SLC25A4: variants seen among roughly 807,000 people sequenced by gnomAD.
SLC25A4 encodes solute carrier family 25 member 4, also known as ADP/ATP translocase 1.
A neutral mutation model predicts 24.7 loss-of-function variants in SLC25A4; 10 were observed. That is an observed-to-expected ratio of 0.41 (90% CI 0.25 to 0.69). The LOEUF is 0.69. Among genes scored for constraint, SLC25A4 ranks in the 30% least tolerant of loss-of-function variants. The pLI, the probability that SLC25A4 is intolerant of heterozygous loss-of-function variation, is 0.35. For missense variants in SLC25A4, 273 were observed against 387.6 expected, an observed-to-expected ratio of 0.70 and a Z score of 2.48; for synonymous variants, 125 against 153.3, an observed-to-expected ratio of 0.82 and a Z score of 1.36.
At position 185,144,922 on chromosome 4, in the gene SLC25A4, C is replaced by T. The variant is rs1426054143; in HGVS notation, c.270C>T (p.Ala90=). The T allele has an allele frequency of 6.2e-7, 1 of 1,614,210 alleles. No homozygotes were observed. ...TCCCCACCCAAGCTCTCAACTTCGCCTTCAAGGACAAGTACAAGCAGCTCT... is the reference window on the plus strand; with the variant it reads ...TCCCCACCCAAGCTCTCAACTTCGCTTTCAAGGACAAGTACAAGCAGCTCT... ...RYFPTQALNF[A]FKDKYKQLFL... Residue 90 remains alanine, a synonymous_variant, in exon 2 of 4, where the codon GCC becomes GCT. Coordinates refer to ENST00000281456, the MANE Select transcript of SLC25A4 (RefSeq NM_001151.4).
rs1734410648 is a variant in SLC25A4 at position 185,144,932 on chromosome 4, A to C, written c.280A>C (p.Lys94Gln). ...AGCTCTCAACTTCGCCTTCAAGGAC[A>C]AGTACAAGCAGCTCTTCTTAGGGGG... is the stretch of plus-strand genomic sequence containing the variant. ...TQALNFAFKD[K>Q]YKQLFLGGVD... Residue 94 changes from lysine (K) to glutamine (Q), a missense_variant, in exon 2 of 4, where the codon AAG becomes CAG. Coordinates refer to ENST00000281456, the MANE Select transcript of SLC25A4 (RefSeq NM_001151.4). 1 of 1,614,070 alleles carries C rather than the reference A, an allele frequency of 6.2e-7. No homozygotes were observed. Among genetic ancestry groups the C allele is most frequent in the Admixed American group, 1.7e-5 (1 of 60,006 alleles).
intron 1 of SLC25A4, among the ~76,000 whole-genome samples, 189 bp downstream of exon 1, chr4:185,143,672 G>C (rs1734387478): frequency 6.8e-6 from 1 of 147,144 alleles, no homozygotes; most frequent in Non-Finnish European, 1.5e-5. Flanking sequence ...CAGGTCCAGC[G>C]TCAGTCGCAG....
rs556737965 is a variant in SLC25A4, at chr4:185,149,675, T to C, written c.*2704T>C. ...TTACGTAAAAGTGACAAGTTGGAAT[T>C]GAGCGTCCGACTCTCGGGTACCTGC... On this transcript the variant is annotated 3_prime_UTR_variant, in exon 4 of 4. Coordinates refer to ENST00000281456, the MANE Select transcript of SLC25A4 (RefSeq NM_001151.4). The C allele has an allele frequency of 6.6e-6, 1 of 152,340 alleles. No individual in the cohort carries two copies. Among genetic ancestry groups the C allele is most frequent in the East Asian group, 1.9e-4 (1 of 5,184 alleles). The allele number at this position is 152,340 out of a possible 1,614,324, so 9.4% of individuals were successfully genotyped here.
intron 1 of SLC25A4, among the ~76,000 whole-genome samples, chr4:185,144,312 G>A (rs1734398296): frequency 6.6e-6 from 1 of 152,146 alleles, no homozygotes; most frequent in Non-Finnish European, 1.5e-5. Context: ...ATCTAGTAGA[G>A]ATCCTCATCT....
chr4:185,145,610 C>T lies in SLC25A4; in HGVS notation c.599-149C>T. ...GGGCAGCAGCCACCTTTGCTGTCTG[C>T]CTGGTCATATGTGAAGCACCTGCAC... On this transcript the variant is annotated intron_variant, in intron 2 of 3. Transcript: ENST00000281456. The surrounding 1 kb of genome is among the most constrained non-coding windows in gnomAD (Gnocchi z 5.5). The T allele has an allele frequency of 1.0e-6, 1 of 955,832 alleles. No individual in the cohort carries two copies. 59.2% of individuals were successfully genotyped at this position (955,832 alleles called of 1,614,324 possible). A position where few individuals can be genotyped will look rare whatever the true frequency, so the allele number is the denominator to read the frequency against.
chr4:185,143,430 G>A lies in SLC25A4; in HGVS notation c.58G>A (p.Ala20Thr), dbSNP rs1455554222. The A allele has an allele frequency of 4.6e-6, 7 of 1,519,848 alleles. No individual in the cohort carries two copies. The highest frequency in any genetic ancestry group is 6.2e-6 in the Non-Finnish European group (7 of 1,131,062). The allele number at this position is 1,519,848 out of a possible 1,614,324, so 94.1% of individuals were successfully genotyped here. A position where few individuals can be genotyped will look rare whatever the true frequency, so the allele number is the denominator to read the frequency against. The change falls in exon 1 of 4, where the codon GCC (alanine) becomes ACC (threonine). Residue 20 changes from alanine to threonine, a missense_variant. By Grantham distance (58) the Ala-to-Thr change is moderately conservative. Coordinates refer to ENST00000281456, the MANE Select transcript of SLC25A4 (RefSeq NM_001151.4). ...CTTCCTGGCCGGGGGCGTCGCCGCTGCCGTCTCCAAGACCGCGGTCGCCCC... is the reference window on the plus strand; with the variant it reads ...CTTCCTGGCCGGGGGCGTCGCCGCTACCGTCTCCAAGACCGCGGTCGCCCC... ...KDFLAGGVAA[A>T]VSKTAVAPIE...
rs772055424 is a variant in SLC25A4, at chr4:185,146,867, G to A, written c.793G>A (p.Glu265Lys). 18 of 1,614,220 alleles carry A rather than the reference G, an allele frequency of 1.1e-5. No homozygotes were observed. Among genetic ancestry groups the A allele is most frequent in the Non-Finnish European group, 1.3e-5 (15 of 1,180,032 alleles). Reference sequence around the variant, plus strand: ...CTGCTGGAGGAAGATTGCAAAAGACGAAGGAGCCAAGGCCTTCTTCAAAGG... The same window carrying A: ...CTGCTGGAGGAAGATTGCAAAAGACAAAGGAGCCAAGGCCTTCTTCAAAGG... The part of the protein sequence containing the change: ...VDCWRKIAKD[E>K]GAKAFFKGAW... Residue 265 changes from glutamate to lysine, a missense_variant, in exon 4 of 4, where the codon GAA becomes AAA. By Grantham distance (56) the Glu-to-Lys change is moderately conservative. Coordinates refer to ENST00000281456, the MANE Select transcript of SLC25A4 (RefSeq NM_001151.4).
At position 185,143,329 on chromosome 4, in the gene SLC25A4, G is replaced by A. The variant is rs1170911868; in HGVS notation, c.-44G>A. ...GGTGCCAGGCCGGGCGTGGGCGAGA[G>A]CACGAACGGGCTGCCTGCGGGCTGA... is the stretch of plus-strand genomic sequence containing the variant. On this transcript the variant is annotated 5_prime_UTR_variant, in exon 1 of 4. Transcript: ENST00000281456. 4.1e-6 allele frequency: 5 copies of A among 1,222,844 alleles called. No individual in the cohort carries two copies. The highest frequency in any genetic ancestry group is 4.0e-5 in the South Asian group (3 of 75,544). The allele number at this position is 1,222,844 out of a possible 1,614,324, so 75.7% of individuals were successfully genotyped here. A position where few individuals can be genotyped will look rare whatever the true frequency, so the allele number is the denominator to read the frequency against.
At position 185,145,623 on chromosome 4, in the gene SLC25A4, G is replaced by A; in HGVS notation, c.599-136G>A. The A allele has an allele frequency of 9.2e-7, 1 of 1,089,258 alleles. No homozygotes were observed. The highest frequency in any genetic ancestry group is 2.2e-5 in the Admixed American group (1 of 46,178). The allele number at this position is 1,089,258 out of a possible 1,614,324, so 67.5% of individuals were successfully genotyped here. ...CTTTGCTGTCTGCCTGGTCATATGT[G>A]AAGCACCTGCACAGGGGCAGGTTCC... On this transcript the variant is annotated intron_variant, in intron 2 of 3. Transcript: ENST00000281456. The surrounding 1 kb of genome is among the most constrained non-coding windows in gnomAD (Gnocchi z 5.5).
At chr4:185,144,545 C>A (rs1010836593) in intron 1 of SLC25A4, among the ~76,000 whole-genome samples, 1 of 152,062 alleles carries the variant, frequency 6.6e-6, no homozygotes, top group African/African-American at 2.4e-5. Context: ...CCCTCAAATA[C>A]CCTAATAATT....
Position 185,143,454 on chromosome 4 carries a change from C to T in SLC25A4, c.82C>T (p.Pro28Ser). Residue 28 changes from proline to serine, a missense_variant, in exon 1 of 4, where the codon CCC (proline) becomes TCC (serine). Pro to Ser is a moderately conservative substitution (Grantham distance 74, BLOSUM62 -1). Coordinates refer to ENST00000281456, the MANE Select transcript of SLC25A4 (RefSeq NM_001151.4). The stretch of plus-strand genomic sequence containing the variant: ...TGCCGTCTCCAAGACCGCGGTCGCC[C>T]CCATCGAGAGGGTCAAACTGCTGCT... ...AAAVSKTAVA[P>S]IERVKLLLQV... 6.7e-7 allele frequency: 1 copy of T among 1,503,042 alleles called. No individual in the cohort carries two copies. The highest frequency in any genetic ancestry group is 8.9e-7 in the Non-Finnish European group (1 of 1,121,884). 93.1% of individuals were successfully genotyped at this position (1,503,042 alleles called of 1,614,324 possible). A position where few individuals can be genotyped will look rare whatever the true frequency, so the allele number is the denominator to read the frequency against.
chr4:185,144,495 A>G (rs1417986648), intron 1 of SLC25A4, among the ~76,000 whole-genome samples: 1 of 152,128 alleles, frequency 6.6e-6, no homozygotes, highest in Non-Finnish European at 1.5e-5. Flanking sequence ...GCTTTATATA[A>G]TTCAATCACC....
In SLC25A4 at chr4:185,144,930, A is replaced by G; in HGVS notation, c.278A>G (p.Asp93Gly). The change falls in exon 2 of 4, where the codon GAC (aspartate) becomes GGC (glycine). Residue 93 changes from aspartate to glycine, a missense_variant. Coordinates refer to ENST00000281456, the MANE Select transcript of SLC25A4 (RefSeq NM_001151.4). ...CAAGCTCTCAACTTCGCCTTCAAGG[A>G]CAAGTACAAGCAGCTCTTCTTAGGG... is the stretch of plus-strand genomic sequence containing the variant. ...PTQALNFAFK[D>G]KYKQLFLGGV... is the part of the protein sequence containing the mutation. The G allele has an allele frequency of 1.2e-6, 2 of 1,614,214 alleles. No individual in the cohort carries two copies. Among genetic ancestry groups the G allele is most frequent in the Non-Finnish European group, 1.7e-6 (2 of 1,180,034 alleles).
Position 185,145,801 on chromosome 4 carries a change from G to C in SLC25A4, c.641G>C (p.Trp214Ser). The change falls in exon 3 of 4, where the codon TGG (tryptophan) becomes TCG (serine). Residue 214 changes from tryptophan (W) to serine (S), a missense_variant. Physicochemically the swap from Trp to Ser is radical, Grantham distance 177. Coordinates refer to ENST00000281456, the MANE Select transcript of SLC25A4 (RefSeq NM_001151.4). The surrounding 1 kb of genome is among the most constrained non-coding windows in gnomAD (Gnocchi z 5.5). ...AAGAACGTGCACATTTTTGTGAGCT[G>C]GATGATTGCCCAGAGTGTGACGGCA... ...DPKNVHIFVSWMIAQSVTAVA... is the reference protein window; with the variant it reads ...DPKNVHIFVSSMIAQSVTAVA... 2.5e-6 allele frequency: 4 copies of C among 1,614,234 alleles called. No individual in the cohort carries two copies. The highest frequency in any genetic ancestry group is 3.4e-6 in the Non-Finnish European group (4 of 1,180,040).
Position 185,147,141 on chromosome 4 carries a change from C to T in SLC25A4, c.*170C>T, listed in dbSNP as rs1734455990. On this transcript the variant is annotated 3_prime_UTR_variant, in exon 4 of 4. Coordinates refer to ENST00000281456, the MANE Select transcript of SLC25A4 (RefSeq NM_001151.4). Reference sequence around the variant, plus strand: ...GCTTCATTGAGTGTTCATTAAACCACACATGTATTTTGTATTTATTTTACA... The same window carrying T: ...GCTTCATTGAGTGTTCATTAAACCATACATGTATTTTGTATTTATTTTACA... 1 of 593,934 alleles carries T rather than the reference C, an allele frequency of 1.7e-6. No individual in the cohort carries two copies. The highest frequency in any genetic ancestry group is 2.2e-5 in the South Asian group (1 of 45,048). 36.8% of individuals were successfully genotyped at this position (593,934 alleles called of 1,614,324 possible).
rs1223364704 is a variant in SLC25A4, at chr4:185,145,015, G to A, written c.363G>A (p.Gly121=). The change falls in exon 2 of 4, where the codon GGG becomes GGA. Residue 121 remains glycine, a synonymous_variant. Coordinates refer to ENST00000281456, the MANE Select transcript of SLC25A4 (RefSeq NM_001151.4). The surrounding 1 kb of genome is among the most constrained non-coding windows in gnomAD (Gnocchi z 5.5). ...RYFAGNLASG[G]AAGATSLCFV... ...TTGCTGGTAACCTGGCGTCCGGTGG[G>A]GCCGCTGGGGCCACCTCCCTTTGCT... is the stretch of plus-strand genomic sequence containing the variant. The A allele has an allele frequency of 6.2e-7, 1 of 1,614,122 alleles. No homozygotes were observed. Among genetic ancestry groups the A allele is most frequent in the Non-Finnish European group, 8.5e-7 (1 of 1,180,022 alleles).
intron 3 of SLC25A4, among the ~76,000 whole-genome samples, chr4:185,146,312 C>A (rs759221553): frequency 3.3e-5 from 5 of 152,150 alleles, no homozygotes; most frequent in Non-Finnish European, 5.9e-5. Context: ...CTGAAGCAAT[C>A]TGTTGTGCCA....
In SLC25A4 at chr4:185,145,590, G is replaced by A; in HGVS notation, c.599-169G>A. The stretch of plus-strand genomic sequence containing the variant: ...GCCCCTCCGGGGTCCGGAGAGGGCA[G>A]CAGCCACCTTTGCTGTCTGCCTGGT... On this transcript the variant is annotated intron_variant, in intron 2 of 3. Transcript: ENST00000281456. The surrounding 1 kb of genome is among the most constrained non-coding windows in gnomAD (Gnocchi z 5.5). 2.4e-6 allele frequency: 2 copies of A among 822,804 alleles called. No individual in the cohort carries two copies. Among genetic ancestry groups the A allele is most frequent in the East Asian group, 2.7e-5 (1 of 37,660 alleles). The allele number at this position is 822,804 out of a possible 1,614,324, so 51.0% of individuals were successfully genotyped here. A position where few individuals can be genotyped will look rare whatever the true frequency, so the allele number is the denominator to read the frequency against.
Sources: allele counts gnomAD v4.1 joint callset (sites outside exome capture counted in the v4.1 genomes callset), GRCh38; gene constraint gnomAD v4.1.1; non-coding constraint Gnocchi (gnomAD v3.1); transcripts MANE v1.5; gene names NCBI Gene and HGNC (gene_info 2026-07-23, HGNC 2026-07-21).